The following HIPK1 variants were observed in gnomAD, a reference collection of about 807,000 sequenced individuals.
HIPK1 encodes the protein homeodomain-interacting protein kinase 1.
In HIPK1, 28 loss-of-function variants were observed where a neutral mutation model predicts 117.1. That is an observed-to-expected ratio of 0.24 (90% CI 0.18 to 0.33). The LOEUF (loss-of-function observed/expected upper bound fraction) is 0.33, where lower values mean the gene tolerates loss of function less well. Ranked by LOEUF, HIPK1 falls within the 10% of genes least tolerant of loss-of-function variation. The pLI is 1.00. For synonymous variants in HIPK1, 605 were observed against 562.5 expected (o/e 1.08, Z -1.07); for missense variants, 1,122 against 1,475.1 (o/e 0.76, Z 3.92).
intron 1 of HIPK1, among the ~76,000 whole-genome samples, chr1:113,938,310 T>C (rs1356036457): frequency 6.6e-6 from 1 of 151,530 alleles, no homozygotes; most frequent in Non-Finnish European, 1.5e-5. Flanking sequence ...TGTTAATGCT[T>C]CCCAGGCTGA....
At chr1:113,966,529 T>C (rs1462530400) in intron 11 of HIPK1, among the ~76,000 whole-genome samples, 1 of 152,226 alleles carries the variant, frequency 6.6e-6, no homozygotes, top group African/African-American at 2.4e-5. Context: ...AACCATACAG[T>C]GAGATCCTAA....
chr1:113,940,350 T>C (rs1670566075), intron 1 of HIPK1, 32 bp from the exon 2 acceptor site: 1 of 1,518,768 alleles, frequency 6.6e-7, no homozygotes, highest in Non-Finnish European at 8.9e-7. Context: ...CTTTTATCCT[T>C]GTGGTCTAAT....
At chr1:113,929,867 C>T in intron 1 of HIPK1, 3 of 987,626 alleles carry the variant, frequency 3.0e-6, no homozygotes, top group Non-Finnish European at 3.6e-6. Context: ...GGCTGCGGGG[C>T]CCCAGATCTC....
intron 2 of HIPK1, among the ~76,000 whole-genome samples, chr1:113,944,931 A>T (rs1194232455): frequency 1.3e-5 from 2 of 152,124 alleles, no homozygotes; most frequent in Non-Finnish European, 2.9e-5. Flanking sequence ...TACTGCAGCC[A>T]TGACCTCTCA....
In HIPK1 at chr1:113,973,945, A is replaced by G. The variant is rs1419757591; in HGVS notation, c.*433A>G. On this transcript the variant is annotated 3_prime_UTR_variant, in exon 16 of 16. Coordinates refer to ENST00000426820, the MANE Select transcript of HIPK1 (RefSeq NM_198268.3). ...TGCTGGTCAGGAAAAATGCTGATAG[A>G]AGGAGTTGAAATCTGATGACAAAAA... is the stretch of plus-strand genomic sequence containing the variant. 6.5e-6 allele frequency: 1 copy of G among 154,988 alleles called. No individual in the cohort carries two copies. Among genetic ancestry groups the G allele is most frequent in the East Asian group, 1.8e-4 (1 of 5,410 alleles). The allele number at this position is 154,988 out of a possible 1,614,324, so 9.6% of individuals were successfully genotyped here.
Position 113,940,608 on chromosome 1 carries a change from C to A in HIPK1, c.225C>A (p.Leu75=). ...TCCCTGCTTACGACCAGGGCCTCCTCCTCCCAGCTCCTGCAGTGGAGCATA... is the reference window on the plus strand; with the variant it reads ...TCCCTGCTTACGACCAGGGCCTCCTACTCCCAGCTCCTGCAGTGGAGCATA... ...FNIPAYDQGL[L]LPAPAVEHIV... is the part of the protein sequence containing the mutation. Residue 75 remains leucine, a synonymous_variant, in exon 2 of 16, where the codon CTC becomes CTA. Transcript: ENST00000426820. 1 of 1,614,216 alleles carries A rather than the reference C, an allele frequency of 6.2e-7. No homozygotes were observed. The highest frequency in any genetic ancestry group is 1.1e-5 in the South Asian group (1 of 91,092).
rs558297238 is a variant in HIPK1 at position 113,940,336 on chromosome 1, G to A, written c.-2-46G>A. On this transcript the variant is annotated intron_variant, in intron 1 of 15. Coordinates refer to ENST00000426820, the MANE Select transcript of HIPK1 (RefSeq NM_198268.3). ...TTTGTGTGTTTTAAATCTAAGCCTT[G>A]TATCTTTTATCCTTGTGGTCTAATT... 1.4e-5 allele frequency: 20 copies of A among 1,478,644 alleles called. No homozygotes were observed. The Admixed American group carries it at 2.2e-4, about 16-fold the overall frequency. The allele number at this position is 1,478,644 out of a possible 1,614,324, so 91.6% of individuals were successfully genotyped here.
chr1:113,929,826 G>T (rs1669723387), intron 1 of HIPK1: 2 of 986,908 alleles, frequency 2.0e-6, no homozygotes, highest in Non-Finnish European at 2.4e-6. Flanking sequence ...GCCGGGGCCC[G>T]GGCCGGCTCG....
In HIPK1 at chr1:113,957,106, C is replaced by CT; in HGVS notation, c.1593-15dup. On this transcript the variant is annotated splice_polypyrimidine_tract_variant and intron_variant, in intron 6 of 15. Transcript: ENST00000426820. ...AAATCTCAGCATTCATTTAATGAAT[C>CT]TTTAATCTCCTTTTCAGTGTTAAGT... The CT allele has an allele frequency of 5.0e-6, 8 of 1,598,350 alleles. No individual in the cohort carries two copies. The highest frequency in any genetic ancestry group is 6.9e-6 in the Non-Finnish European group (8 of 1,167,278).
At chr1:113,932,390 T>C (rs1417294500) in intron 1 of HIPK1, among the ~76,000 whole-genome samples, 1 of 150,728 alleles carries the variant, frequency 6.6e-6, no homozygotes, top group Non-Finnish European at 1.5e-5. Flanking sequence ...TTTTTTTTTT[T>C]TATTTGAGAC....
In HIPK1 at chr1:113,938,851, A is replaced by T. The variant is rs115985655; in HGVS notation, c.-2-1531A>T. Among the ~76,000 whole-genome samples the T allele has an allele frequency of 2.8e-3, 423 of 150,944 alleles. 1 individual carries two copies. The highest frequency in any genetic ancestry group is 9.7e-3 in the African/African-American group (400 of 41,072). Reference sequence around the variant, plus strand: ...CTTGAGCCCCAGAGGTGAAGGTTGCAGCGAGCCAAGATTGCACCATTGCAC... The same window carrying T: ...CTTGAGCCCCAGAGGTGAAGGTTGCTGCGAGCCAAGATTGCACCATTGCAC... On this transcript the variant is annotated intron_variant, in intron 1 of 15. Coordinates refer to ENST00000426820, the MANE Select transcript of HIPK1 (RefSeq NM_198268.3).
intron 1 of HIPK1, among the ~76,000 whole-genome samples, chr1:113,932,743 T>C (rs1390958101): frequency 6.6e-6 from 1 of 152,174 alleles, no homozygotes; most frequent in Non-Finnish European, 1.5e-5. Context: ...CTTTTATCTG[T>C]AAGAGTTCCA....
chr1:113,953,501 T>C (rs886400303), intron 3 of HIPK1, among the ~76,000 whole-genome samples: 1 of 152,150 alleles, frequency 6.6e-6, no homozygotes, highest in African/African-American at 2.4e-5. Flanking sequence ...AATTCTCATT[T>C]CTTGTTATTT....
At chr1:113,969,625 T>G (rs1483060558) in intron 13 of HIPK1, among the ~76,000 whole-genome samples, 1 of 152,158 alleles carries the variant, frequency 6.6e-6, no homozygotes, top group East Asian at 1.9e-4. Context: ...AAAGGGTGGT[T>G]GAAGCTCGGC....
At chr1:113,930,711 CGTTGGTCTAACCTCCAGTTT>C (rs1296463068) in intron 1 of HIPK1, 1 of 152,226 alleles carries the variant, frequency 6.6e-6, no homozygotes, top group Non-Finnish European at 1.5e-5. Context: ...TCTCCAGGAG[CGTTGGTCTAACCTCCAGTTT>C]GTTGTGGTGA....
rs1190477151 is a variant in HIPK1, at chr1:113,958,048, T to C, written c.1756-18T>C. On this transcript the variant is annotated intron_variant, in intron 7 of 15. Coordinates refer to ENST00000426820, the MANE Select transcript of HIPK1 (RefSeq NM_198268.3). Reference sequence around the variant, plus strand: ...TCTACTTAATACAAGTGTACAAATATAATCCTTTTGTTTTTAGGCCAGTGT... The same window carrying C: ...TCTACTTAATACAAGTGTACAAATACAATCCTTTTGTTTTTAGGCCAGTGT... 1 of 1,554,480 alleles carries C rather than the reference T, an allele frequency of 6.4e-7. No homozygotes were observed. Among genetic ancestry groups the C allele is most frequent in the Non-Finnish European group, 8.9e-7 (1 of 1,125,790 alleles).
intron 8 of HIPK1, 126 bp from the exon 9 acceptor site, chr1:113,962,191 C>A: frequency 1.1e-6 from 1 of 892,774 alleles, no homozygotes; most frequent in Non-Finnish European, 1.6e-6. Flanking sequence ...ACTTCTTTGT[C>A]TTAAGTGTCT....
At chr1:113,934,002 A>C (rs1185492799) in intron 1 of HIPK1, among the ~76,000 whole-genome samples, 2 of 152,178 alleles carry the variant, frequency 1.3e-5, no homozygotes, top group Admixed American at 6.5e-5. Flanking sequence ...TTCTTCCCAA[A>C]CTTGTCTCAC....
chr1:113,962,443 A>G lies in HIPK1; in HGVS notation c.2103+5A>G, dbSNP rs752787438. The G allele has an allele frequency of 6.2e-7, 1 of 1,612,868 alleles. No individual in the cohort carries two copies. Among genetic ancestry groups the G allele is most frequent in the African/African-American group, 1.3e-5 (1 of 74,878 alleles). ...CAGTCAGGAGTTCTCACGCAGGTAA[A>G]AGCTAGAGCAATGTGGATACTCAGT... is the stretch of plus-strand genomic sequence containing the variant. On this transcript the variant is annotated splice_donor_5th_base_variant and intron_variant, in intron 9 of 15. Transcript: ENST00000426820.
Sources: allele counts gnomAD v4.1 joint callset (sites outside exome capture counted in the v4.1 genomes callset), GRCh38; gene constraint gnomAD v4.1.1; transcripts MANE v1.5; gene names NCBI Gene and HGNC (gene_info 2026-07-23, HGNC 2026-07-21).